The following TAF1B variants were observed in gnomAD, a reference collection of about 807,000 sequenced individuals.
TAF1B encodes TATA-box binding protein associated factor, RNA polymerase I subunit B, also known as TATA box-binding protein-associated factor RNA polymerase I subunit B.
A neutral mutation model predicts 83.9 loss-of-function variants in TAF1B; 61 were observed. The observed-to-expected ratio is 0.73, with a 90% CI of 0.59 to 0.90. The LOEUF (loss-of-function observed/expected upper bound fraction) is 0.90. TAF1B is among the 40% of genes least tolerant of loss of function. The probability of loss-of-function intolerance (pLI) is 0.00; values close to 1 mark genes in which losing one functional copy is unlikely to be tolerated. For missense variants in TAF1B, 625 were observed against 677.0 expected (o/e 0.92, Z 0.85); for synonymous variants, 221 against 224.6 (o/e 0.98, Z 0.14).
intron 8 of TAF1B, among the ~76,000 whole-genome samples, chr2:9,901,049 T>C (rs1665164695): frequency 6.6e-6 from 1 of 152,158 alleles, no homozygotes; most frequent in Non-Finnish European, 1.5e-5. Flanking sequence ...TCTATAATGT[T>C]GATGTGTTAT....
At chr2:9,865,603 A>T (rs1297989360) in intron 5 of TAF1B, among the ~76,000 whole-genome samples, 1 of 152,220 alleles carries the variant, frequency 6.6e-6, no homozygotes, top group Non-Finnish European at 1.5e-5. Flanking sequence ...TTCACATGGA[A>T]CCAAAAACGA....
intron 9 of TAF1B, among the ~76,000 whole-genome samples, 190 bp from the exon 10 acceptor site, chr2:9,910,546 A>G (rs1351505769): frequency 6.6e-6 from 1 of 152,188 alleles, no homozygotes; most frequent in African/African-American, 2.4e-5. Context: ...ATAGGGAATG[A>G]TACGCCGTTT....
At chr2:9,924,564 G>A (rs1448589117) in intron 14 of TAF1B, among the ~76,000 whole-genome samples, 3 of 152,226 alleles carry the variant, frequency 2.0e-5, no homozygotes, top group Non-Finnish European at 4.4e-5. Flanking sequence ...CTAAGACGCT[G>A]TGTGCCTTCG....
chr2:9,895,238 G>A lies in TAF1B; in HGVS notation c.808-9621G>A, dbSNP rs375598138. Among the ~76,000 whole-genome samples, 67 of 152,310 alleles carry A rather than the reference G, an allele frequency of 4.4e-4. No individual in the cohort carries two copies. The South Asian group carries it at 0.013, about 30-fold the overall frequency. ...TTTGTGGTTAGGCATGGTGGCTTAC[G>A]CCTGTAATCCCAGCACTTTGGGAAG... On this transcript the variant is annotated intron_variant, in intron 8 of 14. Transcript: ENST00000263663.
At chr2:9,898,735 C>T (rs996326693) in intron 8 of TAF1B, among the ~76,000 whole-genome samples, 5 of 151,960 alleles carry the variant, frequency 3.3e-5, no homozygotes, top group East Asian at 1.9e-4. Context: ...TTAATAACTC[C>T]GTATTTCCCC....
At chr2:9,933,718 G>A in intron 14 of TAF1B, 65 bp from the exon 15 acceptor site, 2 of 1,324,896 alleles carry the variant, frequency 1.5e-6, no homozygotes, top group Admixed American at 2.0e-5. Flanking sequence ...GGATGTTCAG[G>A]GGTTAGTGTG....
chr2:9,907,771 G>T (rs114283994), intron 9 of TAF1B, among the ~76,000 whole-genome samples: 6,671 of 152,024 alleles, frequency 0.044, 192 homozygotes, highest in Non-Finnish European at 0.066. Flanking sequence ...TCTCTTCTTT[G>T]TGAAGGTGGG....
At chr2:9,868,819 A>G in intron 6 of TAF1B, 2 of 393,934 alleles carry the variant, frequency 5.1e-6, no homozygotes, top group South Asian at 2.0e-5. Flanking sequence ...GTTTCTAAGC[A>G]TAGACTAAAT....
chr2:9,869,651 A>G (rs1411236871), intron 6 of TAF1B, among the ~76,000 whole-genome samples: 1 of 151,492 alleles, frequency 6.6e-6, no homozygotes, highest in Non-Finnish European at 1.5e-5. Flanking sequence ...TGAGGCGAGC[A>G]GATCACTTGA....
At position 9,843,652 on chromosome 2, in the gene TAF1B, C is replaced by T. The variant is rs1372670631; in HGVS notation, c.18+93C>T. On this transcript the variant is annotated intron_variant, in intron 1 of 14. Coordinates refer to ENST00000263663, the MANE Select transcript of TAF1B (RefSeq NM_005680.3). ...CGGCGGAGGACGCCGCGGGTTGGGG[C>T]GGCGACGCCACCGGCTGGAGGAAGG... 9.7e-6 allele frequency: 13 copies of T among 1,333,816 alleles called. 1 individual carries two copies. Among genetic ancestry groups the T allele is most frequent in the Non-Finnish European group, 1.3e-5 (13 of 1,008,778 alleles). 82.6% of individuals were successfully genotyped at this position (1,333,816 alleles called of 1,614,324 possible).
At chr2:9,848,621 G>A (rs534605310) in intron 2 of TAF1B, among the ~76,000 whole-genome samples, 4 of 151,072 alleles carry the variant, frequency 2.6e-5, no homozygotes, top group South Asian at 2.1e-4. Flanking sequence ...AGCAGAGATC[G>A]CACCATTGCA....
At chr2:9,851,331 A>G (rs2125135371) in intron 3 of TAF1B, among the ~76,000 whole-genome samples, 1 of 152,256 alleles carries the variant, frequency 6.6e-6, no homozygotes, top group South Asian at 2.1e-4. Context: ...TTGTGTACAC[A>G]TTGCCAGGTT....
At chr2:9,864,616 G>A (rs1663899589) in intron 5 of TAF1B, among the ~76,000 whole-genome samples, 1 of 152,136 alleles carries the variant, frequency 6.6e-6, no homozygotes, top group African/African-American at 2.4e-5. Context: ...TGACACCAAA[G>A]CCTGGCAGAG....
intron 11 of TAF1B, among the ~76,000 whole-genome samples, chr2:9,911,966 A>G (rs1318200491): frequency 1.3e-5 from 2 of 152,204 alleles, no homozygotes; most frequent in Non-Finnish European, 2.9e-5. Flanking sequence ...ATTCTTGAAG[A>G]TGCAGCATAA....
intron 14 of TAF1B, among the ~76,000 whole-genome samples, chr2:9,929,015 T>C (rs966377113): frequency 2.0e-5 from 3 of 152,210 alleles, no homozygotes; most frequent in Non-Finnish European, 2.9e-5. Flanking sequence ...ATAGCTCTTA[T>C]TGTTTTGAGA....
chr2:9,844,713 G>C (rs2125131800), intron 1 of TAF1B, among the ~76,000 whole-genome samples: 1 of 151,894 alleles, frequency 6.6e-6, no homozygotes, highest in African/African-American at 2.4e-5. Flanking sequence ...TGTCTGGTCT[G>C]TTTTGCTCAC....
intron 2 of TAF1B, among the ~76,000 whole-genome samples, chr2:9,848,648 G>C (rs1001902274): frequency 1.3e-5 from 2 of 149,902 alleles, no homozygotes; most frequent in African/African-American, 4.9e-5. Flanking sequence ...CCTGGGCGAC[G>C]AGAGCGAAAC....
At chr2:9,881,568 A>G (rs945921265) in intron 7 of TAF1B, among the ~76,000 whole-genome samples, 2 of 151,486 alleles carry the variant, frequency 1.3e-5, no homozygotes, top group Admixed American at 6.6e-5. Flanking sequence ...TTAACATTTC[A>G]CTCTACCTAA....
intron 9 of TAF1B, among the ~76,000 whole-genome samples, chr2:9,906,644 T>A (rs1398232281): frequency 6.6e-6 from 1 of 152,186 alleles, no homozygotes; most frequent in East Asian, 1.9e-4. Context: ...AAAATGTTTA[T>A]GTTATAATAA....
Sources: allele counts gnomAD v4.1 joint callset (sites outside exome capture counted in the v4.1 genomes callset), GRCh38; gene constraint gnomAD v4.1.1; transcripts MANE v1.5; gene names NCBI Gene and HGNC (gene_info 2026-07-23, HGNC 2026-07-21).